ZNF679: variants seen among roughly 807,000 people sequenced by gnomAD.
The protein encoded by ZNF679 is hypothetical protein MGC42415.
Under a neutral mutation model 13.4 loss-of-function variants are expected in ZNF679, and 10 were observed. The observed-to-expected ratio is 0.75, with a 90% CI of 0.46 to 1.27. The LOEUF (loss-of-function observed/expected upper bound fraction) is 1.27. Among genes scored for constraint, ZNF679 ranks in the 50% most tolerant of loss-of-function variants. ZNF679 has a pLI of 0.00. For synonymous variants in ZNF679, 179 were observed against 162.5 expected (o/e 1.10, Z -0.77); for missense variants, 525 against 477.8 (o/e 1.10, Z -0.92).
intron 1 of ZNF679, among the ~76,000 whole-genome samples, chr7:64,244,460 C>A (rs573475469): frequency 1.3e-5 from 2 of 151,204 alleles, no homozygotes; most frequent in East Asian, 2.0e-4. Context: ...GTCGCCCAGG[C>A]TGGAGTGCAG....
intron 1 of ZNF679, among the ~76,000 whole-genome samples, chr7:64,236,032 C>T (rs1161771692): frequency 1.3e-5 from 2 of 152,124 alleles, no homozygotes; most frequent in African/African-American, 4.8e-5. Flanking sequence ...TGTGGGAGGC[C>T]AAGGTGGGTG....
At chr7:64,235,303 A>G (rs1787693368) in intron 1 of ZNF679, among the ~76,000 whole-genome samples, 2 of 135,726 alleles carry the variant, frequency 1.5e-5, no homozygotes, top group African/African-American at 5.4e-5. Context: ...AAAAAAAGAA[A>G]ATAGAAACAA....
At chr7:64,262,828 AATATACTTTTGGAATTTTG>A (rs1788095586) in intron 4 of ZNF679, among the ~76,000 whole-genome samples, 1 of 152,198 alleles carries the variant, frequency 6.6e-6, no homozygotes, top group Non-Finnish European at 1.5e-5. Flanking sequence ...TTCAGGAATA[AATATACTTTTGGAATTTTG>A]ATACAGATTA....
chr7:64,264,518 C>T (rs980956446), intron 4 of ZNF679, among the ~76,000 whole-genome samples: 9 of 151,788 alleles, frequency 5.9e-5, no homozygotes, highest in East Asian at 1.9e-4. Context: ...TTATTTTAAG[C>T]GGCAGGACCT....
intron 4 of ZNF679, among the ~76,000 whole-genome samples, chr7:64,264,324 T>A (rs1788116543): frequency 6.6e-6 from 1 of 152,124 alleles, no homozygotes; most frequent in African/African-American, 2.4e-5. Context: ...CTTATTGATG[T>A]TGATAATTAT....
At position 64,249,079 on chromosome 7, in the gene ZNF679, G is replaced by A; in HGVS notation, c.-39G>A. 5.0e-6 allele frequency: 8 copies of A among 1,613,844 alleles called. No homozygotes were observed. Among genetic ancestry groups the A allele is most frequent in the Non-Finnish European group, 6.8e-6 (8 of 1,179,894 alleles). On this transcript the variant is annotated 5_prime_UTR_variant, in exon 2 of 5. Transcript: ENST00000421025. ...TGCGTCCTCTGTTCCTAGAGGCCAA[G>A]CCACTGTGGCCTTGTGTTCTGCAGG...
intron 1 of ZNF679, among the ~76,000 whole-genome samples, chr7:64,237,674 C>A (rs1787745541): frequency 6.6e-6 from 1 of 152,176 alleles, no homozygotes; most frequent in Non-Finnish European, 1.5e-5. Context: ...ATGGACCCAA[C>A]CACATCAGGA....
chr7:64,234,463 G>C (rs1290254291), intron 1 of ZNF679, among the ~76,000 whole-genome samples: 1 of 152,126 alleles, frequency 6.6e-6, no homozygotes, highest in Non-Finnish European at 1.5e-5. Context: ...AATGTGGGGG[G>C]ACATCTACTT....
intron 1 of ZNF679, among the ~76,000 whole-genome samples, chr7:64,229,975 G>A (rs769572648): frequency 5.9e-5 from 9 of 152,172 alleles, no homozygotes; most frequent in Non-Finnish European, 1.0e-4. Flanking sequence ...TAGTCACATC[G>A]CTTAAATGTT....
Position 64,239,724 on chromosome 7 carries a change from C to T in ZNF679, c.-90-9304C>T, listed in dbSNP as rs182840760. On this transcript the variant is annotated intron_variant, in intron 1 of 4. Transcript: ENST00000421025. ...ACATGACTGTCCTATCTTATTTGTG[C>T]CCTGCCCTGAAGAAGCATTGTGACA... 6.6e-4 allele frequency among the ~76,000 whole-genome samples: 101 copies of T among 152,244 alleles called. 1 individual carries two copies. The highest frequency in any genetic ancestry group is 2.2e-3 in the African/African-American group (92 of 41,548).
chr7:64,230,350 G>A (rs1787619884), intron 1 of ZNF679, among the ~76,000 whole-genome samples: 2 of 152,038 alleles, frequency 1.3e-5, no homozygotes, highest in South Asian at 2.1e-4. Flanking sequence ...TGGCTAACAA[G>A]GTGAAACCCC....
At chr7:64,251,458 AAAAAG>A (rs1341249591) in intron 2 of ZNF679, among the ~76,000 whole-genome samples, 2 of 152,218 alleles carry the variant, frequency 1.3e-5, no homozygotes, top group African/African-American at 2.4e-5. Context: ...TATCTCAAAA[AAAAAG>A]AAAAGAAGAG....
Position 64,228,615 on chromosome 7 carries a change from G to C in ZNF679, c.-128G>C, listed in dbSNP as rs940637944. ...CCAGGAATAAATTTCACAATTCTAC[G>C]TATTTCCCAGCTTTAGGTCTGAGAG... On this transcript the variant is annotated 5_prime_UTR_variant, in exon 1 of 5. Transcript: ENST00000421025. The C allele has an allele frequency of 6.6e-6, 1 of 152,088 alleles. No homozygotes were observed. The highest frequency in any genetic ancestry group is 1.5e-5 in the Non-Finnish European group (1 of 68,020). 9.4% of individuals were successfully genotyped at this position (152,088 alleles called of 1,614,324 possible).
intron 1 of ZNF679, among the ~76,000 whole-genome samples, chr7:64,233,599 G>C (rs942359208): frequency 3.9e-5 from 6 of 152,144 alleles, no homozygotes; most frequent in Admixed American, 3.3e-4. Flanking sequence ...CCTGCTTGGG[G>C]CAGTGCTCCT....
intron 1 of ZNF679, among the ~76,000 whole-genome samples, chr7:64,233,768 T>A (rs551297021): frequency 2.1e-4 from 32 of 152,222 alleles, no homozygotes; most frequent in African/African-American, 7.2e-4. Flanking sequence ...ATCTGGTAGA[T>A]CCTTACAGGC....
intron 1 of ZNF679, among the ~76,000 whole-genome samples, chr7:64,245,136 C>A (rs550986024): frequency 2.3e-4 from 35 of 152,276 alleles, no homozygotes; most frequent in Admixed American, 2.2e-3. Context: ...AGCAGTTCTC[C>A]CTGCCCCAGC....
At chr7:64,242,136 G>A (rs1193325208) in intron 1 of ZNF679, among the ~76,000 whole-genome samples, 2 of 152,200 alleles carry the variant, frequency 1.3e-5, no homozygotes, top group East Asian at 3.9e-4. Flanking sequence ...TGGTGTGAGA[G>A]TCACCAACCT....
intron 1 of ZNF679, among the ~76,000 whole-genome samples, chr7:64,239,026 C>T (rs895229406): frequency 1.3e-5 from 2 of 152,052 alleles, no homozygotes; most frequent in African/African-American, 4.8e-5. Flanking sequence ...CAATAAACCC[C>T]GTGGGTGGTA....
At chr7:64,247,913 G>A (rs1787889877) in intron 1 of ZNF679, among the ~76,000 whole-genome samples, 1 of 151,736 alleles carries the variant, frequency 6.6e-6, no homozygotes, top group African/African-American at 2.4e-5. Context: ...ATTTACATGT[G>A]GCTCATATTT....
Sources: allele counts gnomAD v4.1 joint callset (sites outside exome capture counted in the v4.1 genomes callset), GRCh38; gene constraint gnomAD v4.1.1; transcripts MANE v1.5; gene names NCBI Gene and HGNC (gene_info 2026-07-23, HGNC 2026-07-21).